MAPK10: variants seen among roughly 807,000 people sequenced by gnomAD.
The protein encoded by MAPK10 is JNK3 alpha protein kinase.
In MAPK10, 25 loss-of-function variants were observed where a neutral mutation model predicts 59.3. The ratio of observed to expected loss-of-function variants is 0.42; its 90% CI spans 0.31 to 0.59. The LOEUF (loss-of-function observed/expected upper bound fraction) is 0.59. Ranked by LOEUF, MAPK10 falls within the 20% of genes least tolerant of loss-of-function variation. The pLI, the probability that MAPK10 is intolerant of heterozygous loss-of-function variation, is 0.15. For missense variants in MAPK10, 351 were observed against 568.9 expected (o/e 0.62, Z 3.90); for synonymous variants, 190 against 200.5 (o/e 0.95, Z 0.44).
rs1564176549 is a variant in MAPK10, at chr4:86,304,548, G to GGCGCCCGCCACCA, written c.-7+49981_-7+49982insTGGTGGCGGGCGC. On this transcript the variant is annotated intron_variant, in intron 2 of 13. Transcript: ENST00000641462. The stretch of plus-strand genomic sequence containing the variant: ...GCTGGGACTACAGGCGCCCGCCACC[G>GGCGCCCGCCACCA]CGCCCGGCTAATTTTTTGTATTTTT... Among the ~76,000 whole-genome samples the GGCGCCCGCCACCA allele has an allele frequency of 5.9e-3, 885 of 150,596 alleles. 9 individuals are homozygous for GGCGCCCGCCACCA. The highest frequency in any genetic ancestry group is 0.021 in the African/African-American group (845 of 41,202).
At chr4:86,547,472 C>G (rs7661844) in intron 1 of MAPK10, among the ~76,000 whole-genome samples, 11 of 152,174 alleles carry the variant, frequency 7.2e-5, no homozygotes, top group Admixed American at 4.6e-4. Flanking sequence ...AATTTCTCGC[C>G]GGGCCTTAGT....
chr4:86,081,281 C>CT (rs2050602535), intron 9 of MAPK10: 1 of 151,848 alleles, frequency 6.6e-6, no homozygotes, highest in Non-Finnish European at 1.5e-5. Context: ...AGAGACTAAA[C>CT]TTTAAAATAT....
chr4:86,212,159 TAA>T (rs147969300), intron 2 of MAPK10, among the ~76,000 whole-genome samples: 1 of 148,984 alleles, frequency 6.7e-6, no homozygotes, highest in African/African-American at 2.5e-5. Flanking sequence ...AGAATGGATT[TAA>T]AAAAAAAACA....
intron 1 of MAPK10, among the ~76,000 whole-genome samples, chr4:86,437,230 A>G (rs1748871679): frequency 6.6e-6 from 1 of 151,866 alleles, no homozygotes; most frequent in Non-Finnish European, 1.5e-5. Flanking sequence ...AAAAAAAAAA[A>G]AAATGATGTT....
intron 1 of MAPK10, among the ~76,000 whole-genome samples, chr4:86,394,925 C>T (rs748080701): frequency 2.6e-5 from 4 of 152,180 alleles, no homozygotes; most frequent in Non-Finnish European, 5.9e-5. Flanking sequence ...GCTCTAGCGG[C>T]TGAGGGTATC....
chr4:86,383,396 TC>T (rs1420058478), intron 1 of MAPK10, among the ~76,000 whole-genome samples: 2 of 152,220 alleles, frequency 1.3e-5, no homozygotes, highest in African/African-American at 4.8e-5. Context: ...TGTAACCTGT[TC>T]TACTCATTTA....
chr4:86,580,759 C>T (rs976467403), intron 1 of MAPK10, among the ~76,000 whole-genome samples: 2 of 152,182 alleles, frequency 1.3e-5, no homozygotes, highest in African/African-American at 4.8e-5. Flanking sequence ...CCTTCTACTC[C>T]ATGCAACATG....
chr4:86,576,751 G>A (rs1170042818), intron 1 of MAPK10, among the ~76,000 whole-genome samples: 1 of 147,508 alleles, frequency 6.8e-6, no homozygotes, highest in African/African-American at 2.5e-5. Flanking sequence ...GTCCAGCCTA[G>A]GGGACAGTGC....
chr4:86,311,022 C>T (rs1353593410), intron 2 of MAPK10, among the ~76,000 whole-genome samples: 1 of 124,238 alleles, frequency 8.0e-6, no homozygotes, highest in Admixed American at 8.1e-5. Context: ...TATATGATTA[C>T]ACAGTTTTAA....
intron 2 of MAPK10, among the ~76,000 whole-genome samples, chr4:86,237,610 T>C (rs1252450981): frequency 2.0e-5 from 3 of 152,248 alleles, no homozygotes; most frequent in Admixed American, 1.3e-4. Context: ...TGTTCAGTGA[T>C]GTTAAGCTTT....
At chr4:86,439,732 G>T (rs1749196233) in intron 1 of MAPK10, among the ~76,000 whole-genome samples, 1 of 152,146 alleles carries the variant, frequency 6.6e-6, no homozygotes, top group Non-Finnish European at 1.5e-5. Flanking sequence ...AGTTCTAGTT[G>T]TTACATATTC....
intron 2 of MAPK10, among the ~76,000 whole-genome samples, chr4:86,342,667 A>G (rs1725698438): frequency 6.6e-6 from 1 of 152,234 alleles, no homozygotes; most frequent in Non-Finnish European, 1.5e-5. Flanking sequence ...ACTGTAGCTG[A>G]GCCTAGAATG....
At chr4:86,166,749 T>C (rs187859956) in intron 3 of MAPK10, among the ~76,000 whole-genome samples, 2 of 152,268 alleles carry the variant, frequency 1.3e-5, no homozygotes, top group Admixed American at 6.5e-5. Context: ...CATGTGACTA[T>C]ATACAGAAAT....
chr4:86,103,119 T>TG (rs1487932310), intron 6 of MAPK10, 67 bp downstream of exon 6: 2 of 601,908 alleles, frequency 3.3e-6, no homozygotes, highest in African/African-American at 2.9e-5. Flanking sequence ...GTGTGTGTGG[T>TG]GTGTGATTTT....
intron 4 of MAPK10, among the ~76,000 whole-genome samples, chr4:86,149,713 A>T (rs1250800180): frequency 1.3e-5 from 2 of 152,252 alleles, no homozygotes; most frequent in African/African-American, 2.4e-5. Flanking sequence ...AAATCCAGGC[A>T]CTGTATTAAC....
At chr4:86,341,912 T>C (rs1725195922) in intron 2 of MAPK10, among the ~76,000 whole-genome samples, 4 of 151,720 alleles carry the variant, frequency 2.6e-5, no homozygotes, top group African/African-American at 9.7e-5. Flanking sequence ...GAAAGCACCA[T>C]TATTAGTACC....
At chr4:86,422,948 T>C (rs977802166) in intron 1 of MAPK10, among the ~76,000 whole-genome samples, 1 of 152,240 alleles carries the variant, frequency 6.6e-6, no homozygotes, top group Non-Finnish European at 1.5e-5. Flanking sequence ...TATTTGCTAA[T>C]GGACTTTATG....
intron 1 of MAPK10, among the ~76,000 whole-genome samples, chr4:86,370,381 TA>T (rs199843567): frequency 1.5e-4 from 22 of 150,048 alleles, no homozygotes; most frequent in East Asian, 1.2e-3. Flanking sequence ...ATAACAAATT[TA>T]AAAAAAAAAT....
chr4:86,288,903 T>A, intron 2 of MAPK10, among the ~76,000 whole-genome samples: 2 of 145,878 alleles, frequency 1.4e-5, no homozygotes, highest in African/African-American at 5.1e-5. Flanking sequence ...AGAAACAGGA[T>A]GAATATAGCA....
Sources: gnomAD v4.1 joint callset for allele counts (sites outside exome capture counted in the v4.1 genomes callset) on GRCh38, gnomAD v4.1.1 for gene constraint, MANE v1.5 for transcripts, NCBI Gene and HGNC (gene_info 2026-07-23, HGNC 2026-07-21) for gene names.